The following NLGN1 variants were observed in gnomAD, a reference collection of about 807,000 sequenced individuals.
NLGN1 encodes neuroligin 1, also known as neuroligin-1.
NLGN1 carries 12 observed loss-of-function variants against 65.5 expected under a neutral mutation model. The ratio of observed to expected loss-of-function variants is 0.18; its 90% CI spans 0.12 to 0.30. The LOEUF is 0.30. NLGN1 is among the 10% of genes least tolerant of loss of function. The pLI, the probability that NLGN1 is intolerant of heterozygous loss-of-function variation, is 1.00. For missense variants in NLGN1, 750 were observed against 1,007.1 expected (o/e 0.74, Z 3.46); for synonymous variants, 350 against 359.5 (o/e 0.97, Z 0.30).
intron 4 of NLGN1, among the ~76,000 whole-genome samples, chr3:174,150,766 G>A (rs1289459754): frequency 6.6e-6 from 1 of 152,056 alleles, no homozygotes; most frequent in Admixed American, 6.6e-5. Context: ...GGAAGTACAG[G>A]GATGGAGAGT....
chr3:173,741,966 C>A (rs139343814), intron 3 of NLGN1, among the ~76,000 whole-genome samples: 2 of 152,068 alleles, frequency 1.3e-5, no homozygotes, highest in African/African-American at 4.8e-5. Context: ...CTTCCCACCC[C>A]CTCTAGGCCC....
At chr3:173,482,565 T>A (rs931551303) in intron 2 of NLGN1, among the ~76,000 whole-genome samples, 2 of 151,946 alleles carry the variant, frequency 1.3e-5, no homozygotes, top group Non-Finnish European at 2.9e-5. Flanking sequence ...AATTTAAAAA[T>A]TTGCTAAATC....
At chr3:174,144,385 T>A (rs570648109) in intron 4 of NLGN1, among the ~76,000 whole-genome samples, 1 of 152,336 alleles carries the variant, frequency 6.6e-6, no homozygotes, top group East Asian at 1.9e-4. Context: ...TACATGTGCA[T>A]GTGTCTTTAT....
intron 4 of NLGN1, among the ~76,000 whole-genome samples, chr3:174,082,030 G>A (rs1326870747): frequency 6.6e-6 from 1 of 152,154 alleles, no homozygotes; most frequent in Non-Finnish European, 1.5e-5. Flanking sequence ...CTGTAAGATT[G>A]ATACTGAAAA....
At chr3:173,657,777 G>C (rs777454902) in intron 3 of NLGN1, among the ~76,000 whole-genome samples, 4 of 151,902 alleles carry the variant, frequency 2.6e-5, no homozygotes, top group African/African-American at 9.7e-5. Context: ...AAGAGGGAAG[G>C]AAGGTAGGAA....
intron 4 of NLGN1, among the ~76,000 whole-genome samples, chr3:174,145,543 A>T (rs1272973874): frequency 2.0e-5 from 3 of 151,966 alleles, no homozygotes; most frequent in Admixed American, 6.6e-5. Flanking sequence ...AACAGATAAA[A>T]TAGACAAAAT....
At chr3:174,208,773 A>G (rs1007339061) in intron 4 of NLGN1, among the ~76,000 whole-genome samples, 18 of 152,108 alleles carry the variant, frequency 1.2e-4, no homozygotes, top group African/African-American at 4.1e-4. Context: ...GGATATCATC[A>G]GCAGACCTAA....
intron 4 of NLGN1, among the ~76,000 whole-genome samples, chr3:173,874,027 T>C (rs1254735531): frequency 2.0e-5 from 3 of 152,140 alleles, no homozygotes; most frequent in Non-Finnish European, 4.4e-5. Flanking sequence ...ACGATGGCCA[T>C]CTGTAAGCCA....
intron 4 of NLGN1, among the ~76,000 whole-genome samples, chr3:174,172,183 AT>A (rs1728670674): frequency 6.6e-6 from 1 of 152,054 alleles, no homozygotes; most frequent in Non-Finnish European, 1.5e-5. Flanking sequence ...CATAGATCAT[AT>A]ATCTATATGG....
chr3:173,498,737 A>C (rs1480969706), intron 2 of NLGN1, among the ~76,000 whole-genome samples: 1 of 151,732 alleles, frequency 6.6e-6, no homozygotes, highest in Non-Finnish European at 1.5e-5. Flanking sequence ...CTTTTTAATG[A>C]TCGCCATTCT....
intron 3 of NLGN1, among the ~76,000 whole-genome samples, chr3:173,621,170 C>T (rs1034375585): frequency 1.3e-5 from 2 of 152,076 alleles, no homozygotes; most frequent in South Asian, 2.1e-4. Flanking sequence ...CAAATATGTA[C>T]ACTACAAGAC....
At chr3:173,588,218 T>C (rs76286650) in intron 2 of NLGN1, among the ~76,000 whole-genome samples, 1,966 of 152,306 alleles carry the variant, frequency 0.013, 47 homozygotes, top group East Asian at 0.11. Flanking sequence ...TAAGAGATAA[T>C]TTAAAACATC....
At chr3:173,909,653 C>CATTTATTT (rs547453207) in intron 4 of NLGN1, among the ~76,000 whole-genome samples, 5 of 152,062 alleles carry the variant, frequency 3.3e-5, no homozygotes, top group Admixed American at 2.0e-4. Flanking sequence ...CTCCCCACAG[C>CATTTATTT]ATTTATTTAT....
At chr3:174,251,468 C>G (rs1744754651) in intron 4 of NLGN1, among the ~76,000 whole-genome samples, 1 of 152,166 alleles carries the variant, frequency 6.6e-6, no homozygotes, top group African/African-American at 2.4e-5. Context: ...TCTCCTCAAC[C>G]AGGAGGTAGC....
intron 4 of NLGN1, among the ~76,000 whole-genome samples, chr3:174,017,258 G>A (rs992896642): frequency 6.6e-6 from 1 of 152,178 alleles, no homozygotes; most frequent in Admixed American, 6.6e-5. Flanking sequence ...GTTGTGTCCA[G>A]AACTCTTTAT....
At chr3:173,612,885 A>G (rs996009211) in intron 3 of NLGN1, among the ~76,000 whole-genome samples, 8 of 152,062 alleles carry the variant, frequency 5.3e-5, no homozygotes, top group African/African-American at 1.4e-4. Context: ...GTGTCTTATC[A>G]ATGGCTGTCT....
At chr3:173,724,349 C>G (rs1164224619) in intron 3 of NLGN1, 4 of 154,448 alleles carry the variant, frequency 2.6e-5, no homozygotes, top group Admixed American at 1.3e-4. Flanking sequence ...AATCTTAGCT[C>G]ACTGCAACCA....
chr3:173,687,763 C>T (rs1481371766), intron 3 of NLGN1, among the ~76,000 whole-genome samples: 1 of 152,178 alleles, frequency 6.6e-6, no homozygotes, highest in African/African-American at 2.4e-5. Flanking sequence ...GATAATTCTT[C>T]ACTCTACAGG....
At chr3:173,668,693 A>T (rs1318562366) in intron 3 of NLGN1, among the ~76,000 whole-genome samples, 3 of 149,312 alleles carry the variant, frequency 2.0e-5, no homozygotes, top group Non-Finnish European at 3.0e-5. Flanking sequence ...GCATGATCTC[A>T]GCTCACTGCA....
Sources: gnomAD v4.1 joint callset for allele counts (sites outside exome capture counted in the v4.1 genomes callset) on GRCh38, gnomAD v4.1.1 for gene constraint, MANE v1.5 for transcripts, NCBI Gene and HGNC (gene_info 2026-07-23, HGNC 2026-07-21) for gene names.